The following SLC25A21 variants were observed in gnomAD, a reference collection of about 807,000 sequenced individuals.
The protein encoded by SLC25A21 is solute carrier family 25 member 21.
In SLC25A21, 47 loss-of-function variants were observed where a neutral mutation model predicts 43.8. The ratio of observed to expected loss-of-function variants is 1.07; its 90% confidence interval spans 0.85 to 1.37. The LOEUF is 1.37. Ranked by LOEUF, SLC25A21 falls within the 40% of genes most tolerant of loss-of-function variation. The pLI, the probability that SLC25A21 is intolerant of heterozygous loss-of-function variation, is 0.00. For missense variants in SLC25A21, 352 were observed against 350.2 expected, an observed-to-expected ratio of 1.00 and a Z score of -0.04; for synonymous variants, 131 against 121.3, an observed-to-expected ratio of 1.08 and a Z score of -0.52.
intron 2 of SLC25A21, among the ~76,000 whole-genome samples, chr14:36,854,451 CT>C (rs1293010127): frequency 1.3e-5 from 2 of 152,146 alleles, no homozygotes; most frequent in Non-Finnish European, 2.9e-5. Context: ...TGAATTCTGG[CT>C]CTCTCCTTTC....
Position 36,913,610 on chromosome 14 carries a change from A to G in SLC25A21, c.71-38606T>C, listed in dbSNP as rs574610281. Among the ~76,000 whole-genome samples, 23 of 152,336 alleles carry G rather than the reference A, an allele frequency of 1.5e-4. No individual in the cohort carries two copies. The South Asian group carries it at 4.6e-3, about 30-fold the overall frequency. On this transcript the variant is annotated intron_variant, in intron 1 of 9. Coordinates refer to ENST00000331299, the MANE Select transcript of SLC25A21 (RefSeq NM_030631.4). ...GGATAAGAACGAGTTGTTTGAATAG[A>G]TGTTTACAATCTTTTCCACTGTTAA...
At chr14:36,900,081 G>T (rs1415662321) in intron 1 of SLC25A21, among the ~76,000 whole-genome samples, 1 of 151,914 alleles carries the variant, frequency 6.6e-6, no homozygotes, top group East Asian at 2.0e-4. Flanking sequence ...GGGATGCTTG[G>T]CTCCAAGACT....
chr14:36,817,865 A>T (rs1279575494), intron 2 of SLC25A21, among the ~76,000 whole-genome samples: 3 of 152,220 alleles, frequency 2.0e-5, no homozygotes, highest in African/African-American at 7.2e-5. Context: ...ACGTGTATAC[A>T]GAGTATGATG....
chr14:37,011,576 C>T (rs1006784041), intron 1 of SLC25A21, among the ~76,000 whole-genome samples: 4 of 152,242 alleles, frequency 2.6e-5, no homozygotes, highest in Non-Finnish European at 5.9e-5. Context: ...GAATTGCCTG[C>T]GGAGGTTCAT....
intron 1 of SLC25A21, among the ~76,000 whole-genome samples, chr14:37,149,665 G>A (rs1963726053): frequency 6.6e-6 from 1 of 152,068 alleles, no homozygotes; most frequent in African/African-American, 2.4e-5. Flanking sequence ...CTGAACTCCA[G>A]CCTGGGCACA....
chr14:36,767,773 C>T (rs1886469330), intron 3 of SLC25A21, among the ~76,000 whole-genome samples: 1 of 152,204 alleles, frequency 6.6e-6, no homozygotes, highest in African/African-American at 2.4e-5. Context: ...GCCTGTTTAG[C>T]TGACACATGA....
At chr14:36,681,502 C>T (rs146844518) in intron 9 of SLC25A21, among the ~76,000 whole-genome samples, 396 of 152,326 alleles carry the variant, frequency 2.6e-3, no homozygotes, top group Middle Eastern at 6.8e-3. Flanking sequence ...GTACATGGAT[C>T]ATTTTATGTT....
intron 1 of SLC25A21, among the ~76,000 whole-genome samples, chr14:36,907,810 G>T (rs1159145216): frequency 6.6e-6 from 1 of 152,092 alleles, no homozygotes; most frequent in Non-Finnish European, 1.5e-5. Context: ...TTCCAAGGGT[G>T]GGTGTCCAAA....
In SLC25A21 at chr14:37,069,295, T is replaced by C. The variant is rs372178881; in HGVS notation, c.70+102986A>G. Among the ~76,000 whole-genome samples the C allele has an allele frequency of 2.3e-3, 344 of 152,360 alleles. 1 individual carries two copies. Among genetic ancestry groups the C allele is most frequent in the African/African-American group, 7.7e-3 (319 of 41,598 alleles). ...GGTGTGGTTTTCAAGAGCACCCATCTGCACCCACCATCTCATAAGATAAAT... is the reference window on the plus strand; with the variant it reads ...GGTGTGGTTTTCAAGAGCACCCATCCGCACCCACCATCTCATAAGATAAAT... On this transcript the variant is annotated intron_variant, in intron 1 of 9. Transcript: ENST00000331299.
At chr14:37,064,808 G>A (rs892966340) in intron 1 of SLC25A21, among the ~76,000 whole-genome samples, 12 of 152,156 alleles carry the variant, frequency 7.9e-5, no homozygotes, top group Non-Finnish European at 1.6e-4. Context: ...AGACACCTAT[G>A]AGACAGACAC....
At chr14:36,763,292 C>T (rs907999017) in intron 3 of SLC25A21, among the ~76,000 whole-genome samples, 6 of 152,210 alleles carry the variant, frequency 3.9e-5, no homozygotes, top group African/African-American at 1.4e-4. Flanking sequence ...TATTTGCTCA[C>T]TCATTAAATC....
chr14:37,102,658 C>T (rs949866832), intron 1 of SLC25A21, among the ~76,000 whole-genome samples: 2 of 151,928 alleles, frequency 1.3e-5, no homozygotes, highest in African/African-American at 4.8e-5. Flanking sequence ...AATTTGCCAG[C>T]TTCCAGAAAA....
intron 3 of SLC25A21, among the ~76,000 whole-genome samples, chr14:36,793,218 T>C (rs539264199): frequency 6.6e-6 from 1 of 152,148 alleles, no homozygotes; most frequent in East Asian, 1.9e-4. Flanking sequence ...ATGTGGGGAC[T>C]GCAACAGGAG....
At chr14:36,730,915 TGAAACCATTAACCACTA>T (rs1165842165) in intron 4 of SLC25A21, among the ~76,000 whole-genome samples, 1 of 151,590 alleles carries the variant, frequency 6.6e-6, no homozygotes, top group African/African-American at 2.4e-5. Context: ...ACTTTTCTGA[TGAAACCATTAACCACTA>T]GAAACCATTA....
chr14:36,801,771 G>C (rs974100615), intron 3 of SLC25A21, among the ~76,000 whole-genome samples: 1 of 151,832 alleles, frequency 6.6e-6, no homozygotes, highest in African/African-American at 2.4e-5. Context: ...TTTTTTAATC[G>C]ACTGGAGTAT....
At chr14:36,751,628 A>G (rs1347143740) in intron 3 of SLC25A21, among the ~76,000 whole-genome samples, 2 of 152,152 alleles carry the variant, frequency 1.3e-5, no homozygotes, top group Non-Finnish European at 2.9e-5. Context: ...TATACTTTTC[A>G]TTACTGTTTT....
chr14:37,098,547 T>C (rs1962745250), intron 1 of SLC25A21: 1 of 152,166 alleles, frequency 6.6e-6, no homozygotes, highest in Non-Finnish European at 1.5e-5. Context: ...TCCAAGCCAA[T>C]TTTTGCTATA....
intron 1 of SLC25A21, among the ~76,000 whole-genome samples, chr14:37,119,240 G>A (rs1421599193): frequency 6.6e-6 from 1 of 152,086 alleles, no homozygotes; most frequent in Non-Finnish European, 1.5e-5. Flanking sequence ...TCCACCCCTT[G>A]CTTAGCATAG....
intron 3 of SLC25A21, among the ~76,000 whole-genome samples, chr14:36,782,362 CT>C (rs746519814): frequency 3.3e-5 from 5 of 152,140 alleles, no homozygotes; most frequent in Non-Finnish European, 5.9e-5. Flanking sequence ...CTCTTATCAT[CT>C]GCATATTATT....
Sources: allele counts gnomAD v4.1 joint callset (sites outside exome capture counted in the v4.1 genomes callset), GRCh38; gene constraint gnomAD v4.1.1; transcripts MANE v1.5; gene names NCBI Gene and HGNC (gene_info 2026-07-23, HGNC 2026-07-21).